EML4: variants seen among roughly 807,000 people sequenced by gnomAD.
EML4 encodes the protein EMAP like 4.
EML4 carries 72 observed loss-of-function variants against 129.0 expected under a neutral mutation model. That is an observed-to-expected ratio of 0.56 (90% CI 0.46 to 0.68). EML4 has a LOEUF of 0.68. Ranked by LOEUF, EML4 falls within the 30% of genes least tolerant of loss-of-function variation. The probability of loss-of-function intolerance (pLI) is 0.00; values close to 1 mark genes in which losing one functional copy is unlikely to be tolerated. For missense variants in EML4, 1,363 were observed against 1,190.6 expected, an observed-to-expected ratio of 1.14 and a Z score of -2.13; for synonymous variants, 532 against 405.0, an observed-to-expected ratio of 1.31 and a Z score of -3.77.
At chr2:42,244,101 G>GTTTTTTTTTTTTTTTTTTTTTTTTTTTTT (rs147426155) in intron 1 of EML4, among the ~76,000 whole-genome samples, 3 of 81,376 alleles carry the variant, frequency 3.7e-5, no homozygotes, top group African/African-American at 6.9e-5. Context: ...TTTGTTTTTT[G>GTTTTTTTTTTTTTTTTTTTTTTTTTTTTT]TTTTTTTTTT....
chr2:42,232,111 GAGA>G (rs1388851754), intron 1 of EML4, among the ~76,000 whole-genome samples: 1 of 152,128 alleles, frequency 6.6e-6, no homozygotes, highest in Non-Finnish European at 1.5e-5. Context: ...ACAGAAAAGA[GAGA>G]AGATGATTCT....
Position 42,295,454 on chromosome 2 carries a change from G to T in EML4, c.1427G>T (p.Gly476Val). 6.2e-7 allele frequency: 1 copy of T among 1,613,836 alleles called. No homozygotes were observed. Among genetic ancestry groups the T allele is most frequent in the Non-Finnish European group, 8.5e-7 (1 of 1,179,780 alleles). The change falls in exon 13 of 23, where the codon GGT becomes GTT. Residue 476 changes from glycine to valine, a missense_variant. Coordinates refer to ENST00000318522, the MANE Select transcript of EML4 (RefSeq NM_019063.5). Reference protein sequence around the residue: ...GNGDVLTGDSGGVMLIWSKTT... With the variant: ...GNGDVLTGDSVGVMLIWSKTT... ...GGAGATGTTCTTACTGGAGACTCAG[G>T]TGGAGTCATGCTTATATGGAGCAAA...
chr2:42,210,663 A>G (rs937641112), intron 1 of EML4, among the ~76,000 whole-genome samples: 1 of 152,150 alleles, frequency 6.6e-6, no homozygotes, highest in African/African-American at 2.4e-5. Flanking sequence ...TATTTATTTC[A>G]GTATGGACTC....
At chr2:42,197,554 A>G (rs1260435960) in intron 1 of EML4, among the ~76,000 whole-genome samples, 1 of 152,122 alleles carries the variant, frequency 6.6e-6, no homozygotes, top group African/African-American at 2.4e-5. Flanking sequence ...TAAATCCAAA[A>G]CAATAGTCTT....
chr2:42,294,458 G>T (rs1256834017), intron 11 of EML4, among the ~76,000 whole-genome samples: 1 of 152,350 alleles, frequency 6.6e-6, no homozygotes, highest in East Asian at 1.9e-4. Context: ...CCCTTTGGGA[G>T]GCTGAGGTGG....
At chr2:42,273,879 A>G (rs1358736903) in intron 6 of EML4, among the ~76,000 whole-genome samples, 1 of 152,194 alleles carries the variant, frequency 6.6e-6, no homozygotes, top group Non-Finnish European at 1.5e-5. Context: ...CAAAATCCAA[A>G]CATGCTTACA....
At chr2:42,272,443 A>C (rs1231249844) in intron 6 of EML4, among the ~76,000 whole-genome samples, 1 of 152,180 alleles carries the variant, frequency 6.6e-6, no homozygotes, top group Admixed American at 6.5e-5. Flanking sequence ...ACCCAGATTT[A>C]TCAGATCTTT....
Position 42,332,104 on chromosome 2 carries a change from C to A in EML4, c.*1897C>A, listed in dbSNP as rs376959923. 4.1e-5 allele frequency: 9 copies of A among 221,454 alleles called. No homozygotes were observed. Among genetic ancestry groups the A allele is most frequent in the East Asian group, 2.6e-4 (4 of 15,106 alleles). 13.7% of individuals were successfully genotyped at this position (221,454 alleles called of 1,614,324 possible). A position where few individuals can be genotyped will look rare whatever the true frequency, so the allele number is the denominator to read the frequency against. On this transcript the variant is annotated 3_prime_UTR_variant, in exon 23 of 23. Transcript: ENST00000318522. ...CATCATCAGATCAGCATGTGCTATACTCCCTGCAAGAAATATACTGACATG... is the reference window on the plus strand; with the variant it reads ...CATCATCAGATCAGCATGTGCTATAATCCCTGCAAGAAATATACTGACATG...
intron 1 of EML4, among the ~76,000 whole-genome samples, chr2:42,194,347 CT>C (rs34026132): frequency 5.7e-4 from 72 of 126,764 alleles, no homozygotes; most frequent in Middle Eastern, 4.1e-3. Flanking sequence ...CTCTCTCTCT[CT>C]TTTTTTTTTT....
At chr2:42,256,442 T>A (rs1343038792) in intron 2 of EML4, 59 bp from the exon 3 acceptor site, 11 of 1,511,410 alleles carry the variant, frequency 7.3e-6, no homozygotes, top group Non-Finnish European at 9.8e-6. Flanking sequence ...ATTTTAAAAT[T>A]TAGATCTTTA....
intron 1 of EML4, among the ~76,000 whole-genome samples, chr2:42,206,500 C>A (rs1322082352): frequency 6.6e-6 from 1 of 152,196 alleles, no homozygotes; most frequent in African/African-American, 2.4e-5. Flanking sequence ...TAGACGTGGG[C>A]ACTGCACCCA....
chr2:42,181,691 T>C (rs1348734560), intron 1 of EML4, among the ~76,000 whole-genome samples: 1 of 152,182 alleles, frequency 6.6e-6, no homozygotes, highest in Non-Finnish European at 1.5e-5. Context: ...CTCTAAACTG[T>C]CTTCTTTGTT....
intron 6 of EML4, among the ~76,000 whole-genome samples, chr2:42,273,306 ATTTCT>A (rs1431733038): frequency 1.3e-5 from 2 of 152,124 alleles, no homozygotes; most frequent in African/African-American, 4.8e-5. Flanking sequence ...GTTGAAATAG[ATTTCT>A]TTTCCATCTT....
At chr2:42,235,339 A>G (rs11124865) in intron 1 of EML4, among the ~76,000 whole-genome samples, 1 of 150,090 alleles carries the variant, frequency 6.7e-6, no homozygotes, top group Non-Finnish European at 1.5e-5. Flanking sequence ...GTGCACCTGT[A>G]ATCCCAGCTA....
intron 1 of EML4, among the ~76,000 whole-genome samples, chr2:42,202,740 G>T (rs1672306724): frequency 6.6e-6 from 1 of 152,154 alleles, no homozygotes; most frequent in Non-Finnish European, 1.5e-5. Flanking sequence ...ATTGAGGGTA[G>T]GTCTGCCTTT....
chr2:42,328,986 T>A lies in EML4; in HGVS notation c.2442T>A (p.His814Gln), dbSNP rs1244038536. Residue 814 changes from histidine to glutamine, a missense_variant, in exon 22 of 23, where the codon CAT becomes CAA. Physicochemically the swap from His to Gln is conservative, Grantham distance 24. Transcript: ENST00000318522. Reference protein sequence around the residue: ...IAVADDFCKVHLFQYPCSKAK... With the variant: ...IAVADDFCKVQLFQYPCSKAK... ...TTGCCGATGACTTTTGTAAAGTCCA[T>A]CTGTTTCAGTATCCCTGCTCCAAAG... 6.2e-7 allele frequency: 1 copy of A among 1,613,100 alleles called. No homozygotes were observed. The highest frequency in any genetic ancestry group is 8.5e-7 in the Non-Finnish European group (1 of 1,179,890).
At chr2:42,284,052 C>T (rs60393419) in intron 8 of EML4, among the ~76,000 whole-genome samples, 1,643 of 152,282 alleles carry the variant, frequency 0.011, 39 homozygotes, top group African/African-American at 0.037. Flanking sequence ...ACATATGCTA[C>T]GCTACTTCCC....
At chr2:42,228,022 G>A (rs994973973) in intron 1 of EML4, among the ~76,000 whole-genome samples, 7 of 152,002 alleles carry the variant, frequency 4.6e-5, no homozygotes, top group African/African-American at 2.4e-5. Flanking sequence ...GAGTACAGAA[G>A]CAGCCTGGCC....
intron 1 of EML4, among the ~76,000 whole-genome samples, chr2:42,234,828 C>G (rs1674557952): frequency 6.6e-6 from 1 of 152,176 alleles, no homozygotes; most frequent in Non-Finnish European, 1.5e-5. Context: ...TTGACTTTTA[C>G]TTTTGTGAAC....
Sources: gnomAD v4.1 joint callset for allele counts (sites outside exome capture counted in the v4.1 genomes callset) on GRCh38, gnomAD v4.1.1 for gene constraint, MANE v1.5 for transcripts, NCBI Gene and HGNC (gene_info 2026-07-23, HGNC 2026-07-21) for gene names.